The following MYO9B variants were observed in gnomAD, a reference collection of about 807,000 sequenced individuals.
The protein encoded by MYO9B is myosin IXB.
Under a neutral mutation model 229.5 loss-of-function variants are expected in MYO9B, and 71 were observed. The observed-to-expected ratio is 0.31, with a 90% confidence interval of 0.26 to 0.38. MYO9B has a LOEUF of 0.38. Among genes scored for constraint, MYO9B ranks in the 10% least tolerant of loss-of-function variants. The pLI, the probability that MYO9B is intolerant of heterozygous loss-of-function variation, is 1.00. For missense variants in MYO9B, 2,255 were observed against 2,920.5 expected, an observed-to-expected ratio of 0.77 and a Z score of 5.25; for synonymous variants, 1,185 against 1,235.8, an observed-to-expected ratio of 0.96 and a Z score of 0.86.
intron 7 of MYO9B, among the ~76,000 whole-genome samples, chr19:17,158,376 A>C (rs1229637344): frequency 2.0e-5 from 3 of 152,024 alleles, no homozygotes; most frequent in African/African-American, 7.2e-5. Flanking sequence ...GTTTGAGACC[A>C]GTTCGAGAAC....
At chr19:17,127,892 C>T (rs1327202248) in intron 2 of MYO9B, among the ~76,000 whole-genome samples, 2 of 152,218 alleles carry the variant, frequency 1.3e-5, no homozygotes, top group African/African-American at 4.8e-5. Context: ...CTGATTCACA[C>T]AGAAAATCCC....
In MYO9B at chr19:17,206,700, A is replaced by G. The variant is rs2073166209; in HGVS notation, c.5408A>G (p.Gln1803Arg). ...GCAGAGCTGCCGGAGAAGCAGGAGC[A>G]GCTGGCTGCCATCTATGCCGTCCTG... ...RAVELPEKQE[Q>R]LAAIYAVLEH... Residue 1803 changes from glutamine (Q) to arginine (R), a missense_variant, in exon 34 of 40, where the codon CAG becomes CGG. Gln to Arg is a conservative substitution (Grantham distance 43). Around this residue, in one of 7 missense-constraint regions of MYO9B, gnomAD observed 416 missense variants for 605.5 expected, o/e 0.69. Transcript: ENST00000682292. The G allele has an allele frequency of 6.3e-7, 1 of 1,581,352 alleles. No homozygotes were observed. The highest frequency in any genetic ancestry group is 1.2e-5 in the South Asian group (1 of 85,998).
chr19:17,210,537 C>A, intron 37 of MYO9B, 157 bp downstream of exon 37: 1 of 1,227,042 alleles, frequency 8.1e-7, no homozygotes, highest in Non-Finnish European at 1.1e-6. Flanking sequence ...ACCTTCTGTG[C>A]TCAGGACGAC....
chr19:17,148,379 G>A (rs376858687), intron 3 of MYO9B, among the ~76,000 whole-genome samples: 5 of 152,132 alleles, frequency 3.3e-5, no homozygotes, highest in African/African-American at 4.8e-5. Context: ...ACGACAAACC[G>A]TATGGCTGAA....
chr19:17,128,804 G>A (rs1287753264), intron 2 of MYO9B, among the ~76,000 whole-genome samples: 1 of 152,260 alleles, frequency 6.6e-6, no homozygotes, highest in Non-Finnish European at 1.5e-5. Context: ...GCCAGGCCCT[G>A]GCCAGTGTCA....
chr19:17,115,249 TG>T (rs2057890200), intron 2 of MYO9B, among the ~76,000 whole-genome samples: 1 of 152,174 alleles, frequency 6.6e-6, no homozygotes, highest in Admixed American at 6.6e-5. Context: ...GTTTTATTGG[TG>T]CATAACCATG....
In MYO9B at chr19:17,209,717, C is replaced by G. The variant is rs907972789; in HGVS notation, c.5748+8C>G. The G allele has an allele frequency of 6.2e-7, 1 of 1,613,450 alleles. No homozygotes were observed. The highest frequency in any genetic ancestry group is 1.3e-5 in the African/African-American group (1 of 74,928). ...CTCCTGCGACAAAATGCTGTGAGTA[C>G]CGGTGATCGTGGGGGCGGGACCTCT... On this transcript the variant is annotated splice_region_variant and intron_variant, in intron 36 of 39. Transcript: ENST00000682292.
At chr19:17,160,236 A>G (rs1012748810) in intron 8 of MYO9B, among the ~76,000 whole-genome samples, 36 of 152,148 alleles carry the variant, frequency 2.4e-4, no homozygotes, top group Admixed American at 1.0e-3. Context: ...CTGAGCCCAC[A>G]TGGGTCCAGG....
At chr19:17,097,939 G>A (rs2057708352) in intron 1 of MYO9B, among the ~76,000 whole-genome samples, 1 of 152,104 alleles carries the variant, frequency 6.6e-6, no homozygotes, top group African/African-American at 2.4e-5. Context: ...TGTGGGCAAG[G>A]CTGCCTTCCA....
chr19:17,122,393 G>C (rs954374720), intron 2 of MYO9B, among the ~76,000 whole-genome samples: 2 of 152,096 alleles, frequency 1.3e-5, no homozygotes, highest in Admixed American at 6.6e-5. Flanking sequence ...ACAAAAATTA[G>C]CTGGGTGTGG....
intron 22 of MYO9B, among the ~76,000 whole-genome samples, chr19:17,197,092 G>A (rs1465748464): frequency 1.3e-5 from 2 of 151,842 alleles, no homozygotes; most frequent in Admixed American, 6.6e-5. Context: ...CCTGGCCAAC[G>A]TGGCGAAACC....
intron 33 of MYO9B, 55 bp from the exon 34 acceptor site, chr19:17,206,624 A>G (rs757661894): frequency 4.9e-5 from 72 of 1,472,530 alleles, no homozygotes; most frequent in Non-Finnish European, 6.0e-5. Context: ...GGTGGGGACA[A>G]CAGGCACCTT....
chr19:17,172,202 C>A lies in MYO9B; in HGVS notation c.1794-134C>A. On this transcript the variant is annotated intron_variant, in intron 11 of 39. Transcript: ENST00000682292. The surrounding 1 kb of genome is among the most constrained non-coding windows in gnomAD (Gnocchi z 8.2). ...TTCACCCACCCCTCTGTGCACAGAG[C>A]CCTGTGCCACTTCACTGCTCTGCCC... 1 of 1,136,534 alleles carries A rather than the reference C, an allele frequency of 8.8e-7. No homozygotes were observed. The highest frequency in any genetic ancestry group is 1.2e-6 in the Non-Finnish European group (1 of 808,844). 70.4% of individuals were successfully genotyped at this position (1,136,534 alleles called of 1,614,324 possible).
At chr19:17,129,715 G>A (rs1264251466) in intron 2 of MYO9B, among the ~76,000 whole-genome samples, 1 of 152,212 alleles carries the variant, frequency 6.6e-6, no homozygotes, top group Non-Finnish European at 1.5e-5. Context: ...GAATCCCACA[G>A]TATATGCCCC....
chr19:17,155,314 A>G (rs2145283370), intron 6 of MYO9B, among the ~76,000 whole-genome samples: 1 of 151,776 alleles, frequency 6.6e-6, no homozygotes, highest in African/African-American at 2.4e-5. Context: ...TCAGCCTCCC[A>G]AGCAGCTGGG....
At chr19:17,106,556 G>A (rs2057794855) in intron 2 of MYO9B, among the ~76,000 whole-genome samples, 1 of 152,224 alleles carries the variant, frequency 6.6e-6, no homozygotes, top group Non-Finnish European at 1.5e-5. Context: ...CCTCCCAGCA[G>A]GTGGCCAGGG....
At chr19:17,095,097 G>A in intron 1 of MYO9B, among the ~76,000 whole-genome samples, 1 of 152,172 alleles carries the variant, frequency 6.6e-6, no homozygotes, top group East Asian at 1.9e-4. Flanking sequence ...AAATTAGCTC[G>A]GTGTGGTGGC....
In MYO9B at chr19:17,188,063, A is replaced by G. The variant is rs1010379312; in HGVS notation, c.2688+18A>G. 6.4e-7 allele frequency: 1 copy of G among 1,553,838 alleles called. No individual in the cohort carries two copies. The highest frequency in any genetic ancestry group is 1.2e-5 in the South Asian group (1 of 84,994). On this transcript the variant is annotated intron_variant, in intron 19 of 39. Coordinates refer to ENST00000682292, the MANE Select transcript of MYO9B (RefSeq NM_004145.4). ...CGTTCCAGGTAGGCCACAAGCACAT[A>G]TACCTGGACACACCTGTTCCGTGGC... is the stretch of plus-strand genomic sequence containing the variant.
intron 19 of MYO9B, among the ~76,000 whole-genome samples, chr19:17,189,526 C>A (rs1019057432): frequency 1.3e-5 from 2 of 150,772 alleles, no homozygotes; most frequent in Non-Finnish European, 3.0e-5. Flanking sequence ...CAGCTACTTG[C>A]GGGGCTGAGG....
Sources: allele counts gnomAD v4.1 joint callset (sites outside exome capture counted in the v4.1 genomes callset), GRCh38; gene constraint gnomAD v4.1.1; regional missense constraint gnomAD v4.1.1; non-coding constraint Gnocchi (gnomAD v3.1); transcripts MANE v1.5; gene names NCBI Gene and HGNC (gene_info 2026-07-23, HGNC 2026-07-21).